The following PHF12 variants were observed in gnomAD, a reference collection of about 807,000 sequenced individuals.
PHF12 encodes PHD finger protein 12, also known as PHD factor 1.
A neutral mutation model predicts 99.8 loss-of-function variants in PHF12; 6 were observed. That is an observed-to-expected ratio of 0.06 (90% CI 0.03 to 0.12). The LOEUF (loss-of-function observed/expected upper bound fraction) is 0.12, where lower values mean the gene tolerates loss of function less well. Among genes scored for constraint, PHF12 ranks in the 10% least tolerant of loss-of-function variants. The pLI is 1.00. For missense variants in PHF12, 954 were observed against 1,300.1 expected (o/e 0.73, Z 4.09); for synonymous variants, 480 against 514.9 (o/e 0.93, Z 0.92).
chr17:28,907,383 T>C, intron 13 of PHF12: 1 of 573,320 alleles, frequency 1.7e-6, no homozygotes. Context: ...GGAAAAATGG[T>C]AGCCCTGCTC....
At chr17:28,928,847 C>T (rs1285069625) in intron 2 of PHF12, among the ~76,000 whole-genome samples, 2 of 151,996 alleles carry the variant, frequency 1.3e-5, no homozygotes, top group Non-Finnish European at 2.9e-5. Flanking sequence ...CTTGTAATCC[C>T]AGCACTTTGG....
chr17:28,908,630 A>G lies in PHF12; in HGVS notation c.2458+153T>C, dbSNP rs192185587. The G allele has an allele frequency of 4.4e-4, 312 of 711,856 alleles. No individual in the cohort carries two copies. The African/African-American group carries it at 5.0e-3, about 11-fold the overall frequency. The allele number at this position is 711,856 out of a possible 1,614,324, so 44.1% of individuals were successfully genotyped here. ...CCACCGTGACTGGCTGATTGTCTCT[A>G]TTCTTAGTTTCTCTTGTCTAGCTAT... On this transcript the variant is annotated intron_variant, in intron 12 of 14. Transcript: ENST00000332830.
At chr17:28,939,189 A>T (rs2040567338) in intron 2 of PHF12, among the ~76,000 whole-genome samples, 1 of 152,246 alleles carries the variant, frequency 6.6e-6, no homozygotes, top group South Asian at 2.1e-4. Context: ...GCTAAGTGTC[A>T]CCCATGCCAG....
intron 2 of PHF12, among the ~76,000 whole-genome samples, chr17:28,946,153 C>CCA (rs2040719394): frequency 2.0e-5 from 3 of 152,172 alleles, no homozygotes; most frequent in African/African-American, 7.2e-5. Flanking sequence ...AACAAAAACA[C>CCA]CACACACACA....
Position 28,905,590 on chromosome 17 carries a change from G to C in PHF12, c.*593C>G, listed in dbSNP as rs1184079547. The C allele has an allele frequency of 6.6e-6, 1 of 152,548 alleles. No individual in the cohort carries two copies. The highest frequency in any genetic ancestry group is 1.5e-5 in the Non-Finnish European group (1 of 68,040). 9.4% of individuals were successfully genotyped at this position (152,548 alleles called of 1,614,324 possible). A position where few individuals can be genotyped will look rare whatever the true frequency, so the allele number is the denominator to read the frequency against. On this transcript the variant is annotated 3_prime_UTR_variant, in exon 15 of 15. Transcript: ENST00000332830. ...TTATTTGAAATAAAATAGATGGACA[G>C]CCAGAAAAAGAATTCATTTCTCATT...
Position 28,924,281 on chromosome 17 carries a change from G to A in PHF12, c.343C>T (p.Leu115=). ...TCCACCAGTCCATTGACATGACCCA[G>A]CTCCTTTTTCTGCTCTCGTTTCTGT... ...RRKKREQKKE[L]GHVNGLVDKS... is the part of the protein sequence containing the mutation. The change falls in exon 4 of 15, where the codon CTG becomes TTG. Residue 115 remains leucine (L), a synonymous_variant. Coordinates refer to ENST00000332830, the MANE Select transcript of PHF12 (RefSeq NM_001033561.2). 1 of 1,614,204 alleles carries A rather than the reference G, an allele frequency of 6.2e-7. No individual in the cohort carries two copies. The highest frequency in any genetic ancestry group is 8.5e-7 in the Non-Finnish European group (1 of 1,180,044).
At chr17:28,915,847 C>T (rs1195759807) in intron 7 of PHF12, among the ~76,000 whole-genome samples, 2 of 152,222 alleles carry the variant, frequency 1.3e-5, no homozygotes, top group African/African-American at 4.8e-5. Flanking sequence ...TTGCAGGTAA[C>T]TCATGCCCTT....
intron 5 of PHF12, 121 bp downstream of exon 5, chr17:28,921,567 A>T: frequency 7.8e-7 from 1 of 1,275,612 alleles, no homozygotes; most frequent in Non-Finnish European, 1.1e-6. Context: ...GTCTCCATGT[A>T]CTCATACTAT....
At chr17:28,948,729 AC>A (rs1016205951) in intron 2 of PHF12, among the ~76,000 whole-genome samples, 2 of 152,184 alleles carry the variant, frequency 1.3e-5, no homozygotes, top group African/African-American at 4.8e-5. Flanking sequence ...CTGTTGAGAG[AC>A]CTTCGGTGAA....
chr17:28,942,753 T>C (rs962482298), intron 2 of PHF12, among the ~76,000 whole-genome samples: 3 of 151,708 alleles, frequency 2.0e-5, no homozygotes, highest in Non-Finnish European at 4.4e-5. Context: ...GAGGTGAAGG[T>C]TGCAGTGAGC....
At chr17:28,911,336 T>G (rs1280725014) in intron 9 of PHF12, 99 bp from the exon 10 acceptor site, 2 of 1,492,518 alleles carry the variant, frequency 1.3e-6, no homozygotes. Context: ...GGACCCAAGG[T>G]GATGTTCCCT....
Position 28,917,474 on chromosome 17 carries a change from T to G in PHF12, c.970-25A>C, listed in dbSNP as rs768633298. On this transcript the variant is annotated intron_variant, in intron 6 of 14. Coordinates refer to ENST00000332830, the MANE Select transcript of PHF12 (RefSeq NM_001033561.2). ...GCTAGGGACAAAGCAGACACAACCT[T>G]GTGGTGAGCCTCAAAAGGCACCTCC... 3.2e-6 allele frequency: 5 copies of G among 1,572,426 alleles called. No homozygotes were observed. The African/African-American group carries it at 6.8e-5, about 21-fold the overall frequency.
intron 4 of PHF12, among the ~76,000 whole-genome samples, chr17:28,923,046 CAA>C (rs571734249): frequency 5.4e-5 from 7 of 129,376 alleles, no homozygotes; most frequent in African/African-American, 1.7e-4. Context: ...GCCTCTGTCT[CAA>C]AAAAAAAAAA....
At chr17:28,909,749 C>A in intron 11 of PHF12, 1 of 321,190 alleles carries the variant, frequency 3.1e-6, no homozygotes, top group Non-Finnish European at 5.8e-6. Context: ...TGCCACCATG[C>A]CTGGGTAAGT....
chr17:28,911,662 G>A (rs992277777), intron 9 of PHF12, among the ~76,000 whole-genome samples: 1 of 152,150 alleles, frequency 6.6e-6, no homozygotes, highest in Admixed American at 6.5e-5. Flanking sequence ...GCCTGGGAGC[G>A]GGGCCATCCT....
chr17:28,912,581 G>C lies in PHF12; in HGVS notation c.1990C>G (p.Pro664Ala), dbSNP rs1285037755. Residue 664 changes from proline (P) to alanine (A), a missense_variant, in exon 9 of 15, where the codon CCA (proline) becomes GCA (alanine). This residue lies in a region of PHF12 where 392 missense variants were observed against 423.1 expected (regional missense o/e 0.93). Transcript: ENST00000332830. ...GGAGTGAGCACCCGGGTGGCGTTTGGGGGTGAGCCCAGTGGCCTTGAATCT... is the reference window on the plus strand; with the variant it reads ...GGAGTGAGCACCCGGGTGGCGTTTGCGGGTGAGCCCAGTGGCCTTGAATCT... Reference protein sequence around the residue: ...LTDSRPLGSPPNATRVLTPPQ... With the variant: ...LTDSRPLGSPANATRVLTPPQ... The C allele has an allele frequency of 6.2e-7, 1 of 1,614,244 alleles. No individual in the cohort carries two copies. The highest frequency in any genetic ancestry group is 2.2e-5 in the East Asian group (1 of 44,888).
chr17:28,937,647 A>T (rs1406548937), intron 2 of PHF12, among the ~76,000 whole-genome samples: 1 of 152,174 alleles, frequency 6.6e-6, no homozygotes, highest in Non-Finnish European at 1.5e-5. Flanking sequence ...GGTAAAGGAC[A>T]CCTGGATACG....
intron 6 of PHF12, 54 bp downstream of exon 6, chr17:28,919,089 A>G: frequency 6.5e-7 from 1 of 1,547,972 alleles, no homozygotes; most frequent in Non-Finnish European, 8.8e-7. Flanking sequence ...TCTGCTAATC[A>G]GTCCACGCTC....
intron 2 of PHF12, among the ~76,000 whole-genome samples, chr17:28,946,065 G>A (rs1313722410): frequency 6.6e-6 from 1 of 152,210 alleles, no homozygotes; most frequent in Non-Finnish European, 1.5e-5. Context: ...GAGCCCGGGA[G>A]GCGTTGCAGT....
Sources: allele counts gnomAD v4.1 joint callset (sites outside exome capture counted in the v4.1 genomes callset), GRCh38; gene constraint gnomAD v4.1.1; regional missense constraint gnomAD v4.1.1; transcripts MANE v1.5; gene names NCBI Gene and HGNC (gene_info 2026-07-23, HGNC 2026-07-21).